The following COLQ variants were observed in gnomAD, a reference collection of about 807,000 sequenced individuals.
The protein encoded by COLQ is collagen like tail subunit of asymmetric acetylcholinesterase, also known as acetylcholinesterase collagenic tail peptide.
COLQ carries 48 observed loss-of-function variants against 69.0 expected under a neutral mutation model. The ratio of observed to expected loss-of-function variants is 0.70; its 90% confidence interval spans 0.55 to 0.88. The LOEUF is 0.88. COLQ is among the 40% of genes least tolerant of loss of function. COLQ has a pLI of 0.00. For synonymous variants in COLQ, 217 were observed against 211.2 expected, an observed-to-expected ratio of 1.03 and a Z score of -0.24; for missense variants, 618 against 594.6, an observed-to-expected ratio of 1.04 and a Z score of -0.41.
intron 12 of COLQ, among the ~76,000 whole-genome samples, chr3:15,458,687 T>C (rs2062061689): frequency 6.6e-6 from 1 of 152,200 alleles, no homozygotes; most frequent in Admixed American, 6.5e-5. Context: ...AGAGGCTGAA[T>C]CAAAGCCAGC....
At position 15,478,749 on chromosome 3, in the gene COLQ, C is replaced by T. The variant is rs1162063043; in HGVS notation, c.393+228G>A. ...GAATTTGGCCAGGCTTGGCAGCCCC[C>T]GGAAGAAGTCTGAATGCCTGGCAGT... On this transcript the variant is annotated intron_variant, in intron 5 of 16. Transcript: ENST00000383788. 2.7e-5 allele frequency: 17 copies of T among 623,178 alleles called. 1 individual carries two copies. The highest frequency in any genetic ancestry group is 4.3e-4 in the Middle Eastern group (1 of 2,320). The allele number at this position is 623,178 out of a possible 1,614,324, so 38.6% of individuals were successfully genotyped here.
intron 11 of COLQ, among the ~76,000 whole-genome samples, chr3:15,469,023 A>G (rs2062242362): frequency 6.6e-6 from 1 of 152,238 alleles, no homozygotes; most frequent in Non-Finnish European, 1.5e-5. Flanking sequence ...TGGGAGATTA[A>G]TTCATGATAA....
At chr3:15,452,708 G>A (rs949603116) in intron 16 of COLQ, among the ~76,000 whole-genome samples, 5 of 152,198 alleles carry the variant, frequency 3.3e-5, no homozygotes, top group Admixed American at 1.3e-4. Flanking sequence ...GAGGGGCACT[G>A]CACACAGACA....
chr3:15,490,031 G>A (rs116153909), intron 1 of COLQ, among the ~76,000 whole-genome samples: 1 of 152,326 alleles, frequency 6.6e-6, no homozygotes, highest in Non-Finnish European at 1.5e-5. Context: ...GAAGGAAATT[G>A]TTTAGACAGG....
chr3:15,494,363 C>T (rs1183793705), intron 1 of COLQ, among the ~76,000 whole-genome samples: 2 of 151,956 alleles, frequency 1.3e-5, no homozygotes, highest in Admixed American at 6.6e-5. Context: ...CAACATGTTG[C>T]AGGAGGGAAG....
At chr3:15,521,075 T>A (rs756718596) in intron 1 of COLQ, among the ~76,000 whole-genome samples, 3 of 151,962 alleles carry the variant, frequency 2.0e-5, no homozygotes, top group South Asian at 2.1e-4. Context: ...TGGCCATGGA[T>A]GCTATCTGGG....
In COLQ at chr3:15,488,248, G is replaced by A; in HGVS notation, c.279C>T (p.Cys93=). The part of the protein sequence containing the change: ...MLELETSQSP[C]MQGSLGSPGP... ...CAGGGGAGCCTAGCGAGCCTTGCAT[G>A]CACGGGGACTGCGAGGTCTCCAGTT... The change falls in exon 3 of 17, where the codon TGC becomes TGT. Residue 93 remains cysteine, a synonymous_variant. Coordinates refer to ENST00000383788, the MANE Select transcript of COLQ (RefSeq NM_005677.4). 1 of 1,613,522 alleles carries A rather than the reference G, an allele frequency of 6.2e-7. No individual in the cohort carries two copies. Among genetic ancestry groups the A allele is most frequent in the East Asian group, 2.2e-5 (1 of 44,884 alleles).
chr3:15,473,744 AC>A lies in COLQ; in HGVS notation c.636+255del, dbSNP rs560947900. Among the ~76,000 whole-genome samples the A allele has an allele frequency of 2.4e-4, 37 of 152,254 alleles. No individual in the cohort carries two copies. In the East Asian group the frequency reaches 6.9e-3, roughly 29 times the overall value. On this transcript the variant is annotated intron_variant, in intron 10 of 16. Transcript: ENST00000383788. This position sits in a 1 kb window ranked among gnomAD's most constrained non-coding sequence, Gnocchi z 4.0. ...GTAGGAAAAGCAAAAAAGCAAAAAAACAAACAAACAAACAAAAACCCAAAAC... is the reference window on the plus strand; with the variant it reads ...GTAGGAAAAGCAAAAAAGCAAAAAAAAAACAAACAAACAAAAACCCAAAAC...
At chr3:15,493,205 G>C (rs1349451568) in intron 1 of COLQ, among the ~76,000 whole-genome samples, 1 of 152,234 alleles carries the variant, frequency 6.6e-6, no homozygotes, top group Non-Finnish European at 1.5e-5. Context: ...GGGCTAGCTG[G>C]GGAGGTGGCT....
intron 1 of COLQ, among the ~76,000 whole-genome samples, chr3:15,497,035 C>CTTTT: frequency 7.3e-6 from 1 of 136,404 alleles, no homozygotes; most frequent in East Asian, 2.1e-4. Context: ...AGTCCTTTTG[C>CTTTT]CTTTTTTTTT....
chr3:15,499,568 G>T (rs560130997), intron 1 of COLQ, among the ~76,000 whole-genome samples: 1 of 152,220 alleles, frequency 6.6e-6, no homozygotes, highest in African/African-American at 2.4e-5. Context: ...AATATAGGAG[G>T]CAGGCTGGAT....
At chr3:15,456,406 A>G (rs77027767) in intron 14 of COLQ, 54 bp downstream of exon 14, 74 of 1,608,896 alleles carry the variant, frequency 4.6e-5, no homozygotes, top group Non-Finnish European at 5.9e-5. Context: ...CCTTTAATGG[A>G]TGCATCTCTC....
chr3:15,484,603 C>A (rs2062544722), intron 3 of COLQ, among the ~76,000 whole-genome samples: 1 of 152,208 alleles, frequency 6.6e-6, no homozygotes, highest in South Asian at 2.1e-4. Flanking sequence ...TTCTTGGAGG[C>A]TTTGTTCATT....
intron 5 of COLQ, among the ~76,000 whole-genome samples, chr3:15,477,836 C>A (rs555139728): frequency 7.1e-4 from 108 of 152,288 alleles, no homozygotes; most frequent in African/African-American, 2.5e-3. Context: ...TGGCTTCTCC[C>A]ATTCTCCCTA....
Position 15,456,013 on chromosome 3 carries a change from G to A in COLQ, c.1081C>T (p.Pro361Ser), listed in dbSNP as rs116828761. 3.9e-4 allele frequency: 624 copies of A among 1,613,998 alleles called. 11 individuals are homozygous for A. The East Asian group carries it at 9.0e-3, about 23-fold the overall frequency. The stretch of plus-strand genomic sequence containing the variant: ...GCAGTGTAATCCACAGGGTAGAAAG[G>A]GGTCAGCTGGCCAAAGAAGCACACA... ...SLGWLPIQLT[P>S]FYPVDYTADQ... is the part of the protein sequence containing the mutation. The change falls in exon 15 of 17, where the codon CCT (proline) becomes TCT (serine). Residue 361 changes from proline (P) to serine (S), a missense_variant. By Grantham distance (74) the Pro-to-Ser change is moderately conservative. Transcript: ENST00000383788.
At chr3:15,480,539 C>T (rs1160849142) in intron 3 of COLQ, among the ~76,000 whole-genome samples, 1 of 152,170 alleles carries the variant, frequency 6.6e-6, no homozygotes, top group Non-Finnish European at 1.5e-5. Flanking sequence ...GCATAGTATT[C>T]CATGGTGTAT....
At chr3:15,493,453 C>T (rs2062701496) in intron 1 of COLQ, among the ~76,000 whole-genome samples, 2 of 152,252 alleles carry the variant, frequency 1.3e-5, no homozygotes, top group South Asian at 4.1e-4. Context: ...CCCCCATCTC[C>T]CCTTTTATGC....
At chr3:15,488,397 G>T (rs1230222900) in intron 2 of COLQ, 90 bp from the exon 3 acceptor site, 25 of 1,082,554 alleles carry the variant, frequency 2.3e-5, no homozygotes, top group Non-Finnish European at 3.0e-5. Context: ...TCCGGGATCA[G>T]GTCTCTAAGC....
At chr3:15,456,676 C>A in intron 13 of COLQ, 97 bp from the exon 14 acceptor site, 1 of 1,541,964 alleles carries the variant, frequency 6.5e-7, no homozygotes, top group African/African-American at 1.4e-5. Flanking sequence ...CCTTGGGCTG[C>A]TCAACAGTGG....
Sources: gnomAD v4.1 joint callset for allele counts (sites outside exome capture counted in the v4.1 genomes callset) on GRCh38, gnomAD v4.1.1 for gene constraint, Gnocchi (gnomAD v3.1) non-coding constraint, MANE v1.5 for transcripts, NCBI Gene and HGNC (gene_info 2026-07-23, HGNC 2026-07-21) for gene names.